SLC43A1: variants seen among roughly 807,000 people sequenced by gnomAD.
SLC43A1 encodes large neutral amino acids transporter small subunit 3.
A neutral mutation model predicts 59.5 loss-of-function variants in SLC43A1; 31 were observed. That is an observed-to-expected ratio of 0.52 (90% CI 0.39 to 0.70). The LOEUF is 0.70. Ranked by LOEUF, SLC43A1 falls within the 30% of genes least tolerant of loss-of-function variation. The pLI is 0.00. For missense variants in SLC43A1, 598 were observed against 717.8 expected (o/e 0.83, Z 1.91); for synonymous variants, 259 against 290.9 (o/e 0.89, Z 1.12).
intron 2 of SLC43A1, among the ~76,000 whole-genome samples, chr11:57,505,714 C>G (rs959365181): frequency 6.6e-6 from 1 of 151,830 alleles, no homozygotes; most frequent in South Asian, 2.1e-4. Context: ...AAGTAAATAA[C>G]ACTAGCTATG....
Position 57,499,567 on chromosome 11 carries a change from G to A in SLC43A1, c.465+1212C>T, listed in dbSNP as rs1213487818. ...GCGCCCAGTACCGTGGGTAAGGCGA[G>A]GCCGGCCGGCTAACCCCGGGCTGGC... On this transcript the variant is annotated intron_variant, in intron 5 of 14. Transcript: ENST00000278426. The A allele has an allele frequency of 2.0e-5, 3 of 152,382 alleles. No individual in the cohort carries two copies. In the East Asian group the frequency reaches 5.8e-4, roughly 30 times the overall value. 9.4% of individuals were successfully genotyped at this position (152,382 alleles called of 1,614,324 possible).
At chr11:57,509,864 A>G (rs1282278282) in intron 2 of SLC43A1, among the ~76,000 whole-genome samples, 3 of 152,238 alleles carry the variant, frequency 2.0e-5, no homozygotes, top group African/African-American at 7.2e-5. Flanking sequence ...TTCAATATTA[A>G]AAACTGTTGT....
At chr11:57,506,203 G>A (rs1944392163) in intron 2 of SLC43A1, among the ~76,000 whole-genome samples, 1 of 152,136 alleles carries the variant, frequency 6.6e-6, no homozygotes, top group Admixed American at 6.6e-5. Flanking sequence ...AACATTAGCT[G>A]AGCATAGTGG....
chr11:57,509,923 G>T (rs113896868), intron 2 of SLC43A1, among the ~76,000 whole-genome samples: 1 of 152,082 alleles, frequency 6.6e-6, no homozygotes, highest in Non-Finnish European at 1.5e-5. Context: ...ATAATGGAAG[G>T]AAAATTTTTA....
At position 57,513,737 on chromosome 11, in the gene SLC43A1, A is replaced by G. The variant is rs533998047; in HGVS notation, c.154+221T>C. Among the ~76,000 whole-genome samples, 5 of 152,332 alleles carry G rather than the reference A, an allele frequency of 3.3e-5. No individual in the cohort carries two copies. The East Asian group carries it at 9.6e-4, about 29-fold the overall frequency. On this transcript the variant is annotated intron_variant, in intron 2 of 14. Coordinates refer to ENST00000278426, the MANE Select transcript of SLC43A1 (RefSeq NM_003627.6). ...GCCTATTAGTCCCAGGGTCTGGATG[A>G]CCAGCAGGACACCTGGCATTCAGTG...
At position 57,500,862 on chromosome 11, in the gene SLC43A1, A is replaced by AT; in HGVS notation, c.389-8_389-7insA. On this transcript the variant is annotated splice_polypyrimidine_tract_variant and splice_region_variant and intron_variant, in intron 4 of 14. Coordinates refer to ENST00000278426, the MANE Select transcript of SLC43A1 (RefSeq NM_003627.6). Reference sequence around the variant, plus strand: ...AATATCAACGGAGACAGAGCTGGAAAGGGGAAAGCAGCAGATGAGGGCATT... The same window carrying AT: ...AATATCAACGGAGACAGAGCTGGAAATGGGGAAAGCAGCAGATGAGGGCATT... 1 of 1,614,116 alleles carries AT rather than the reference A, an allele frequency of 6.2e-7. No homozygotes were observed. Among genetic ancestry groups the AT allele is most frequent in the Non-Finnish European group, 8.5e-7 (1 of 1,179,968 alleles).
chr11:57,496,088 T>A lies in SLC43A1; in HGVS notation c.635A>T (p.Asn212Ile). The change falls in exon 7 of 15, where the codon AAC becomes ATC. Residue 212 changes from asparagine (N) to isoleucine (I), a missense_variant. Transcript: ENST00000278426. ...WSGLACLIFLNCTLNWPIEAF... is the reference protein window; with the variant it reads ...WSGLACLIFLICTLNWPIEAF... ...TTCGATGGGCCAGTTGAGGGTGCAG[T>A]TCAGAAAGATAAGGCAGGCCAGGCC... The A allele has an allele frequency of 6.2e-7, 1 of 1,614,052 alleles. No individual in the cohort carries two copies. The highest frequency in any genetic ancestry group is 8.5e-7 in the Non-Finnish European group (1 of 1,179,986).
chr11:57,491,999 A>G (rs1943920156), intron 8 of SLC43A1, 137 bp from the exon 9 acceptor site: 2 of 841,716 alleles, frequency 2.4e-6, no homozygotes, highest in South Asian at 3.5e-5. Context: ...AAAGACGGGA[A>G]AGTTCAGATT....
At chr11:57,489,720 T>C (rs1247431093) in intron 11 of SLC43A1, among the ~76,000 whole-genome samples, 1 of 152,200 alleles carries the variant, frequency 6.6e-6, no homozygotes, top group East Asian at 1.9e-4. Flanking sequence ...GTGATTCTCA[T>C]GCACACTTGA....
At chr11:57,502,349 C>T (rs768491744) in intron 2 of SLC43A1, among the ~76,000 whole-genome samples, 1 of 152,150 alleles carries the variant, frequency 6.6e-6, no homozygotes, top group African/African-American at 2.4e-5. Context: ...GTCTGTAAAC[C>T]GGACCAAAGA....
At chr11:57,492,541 T>TAATAATATA (rs1336998211) in intron 8 of SLC43A1, among the ~76,000 whole-genome samples, 126 of 7,134 alleles carry the variant, frequency 0.018, no homozygotes, top group Non-Finnish European at 0.037. Flanking sequence ...TTTGTGTATA[T>TAATAATATA]ATATATATAT....
At position 57,485,172 on chromosome 11, in the gene SLC43A1, G is replaced by C; in HGVS notation, c.1604C>G (p.Ala535Gly). ...LLPSYLFYYR[A>G]RLQQEYAANG... ...GGCGGCGTACTCCTGCTGGAGCCGGGCACGGTAATAGAAGAGGTAGGAAGG... is the reference window on the plus strand; with the variant it reads ...GGCGGCGTACTCCTGCTGGAGCCGGCCACGGTAATAGAAGAGGTAGGAAGG... The change falls in exon 15 of 15, where the codon GCC becomes GGC. Residue 535 changes from alanine (A) to glycine (G), a missense_variant. Coordinates refer to ENST00000278426, the MANE Select transcript of SLC43A1 (RefSeq NM_003627.6). The C allele has an allele frequency of 6.2e-7, 1 of 1,614,076 alleles. No individual in the cohort carries two copies. Among genetic ancestry groups the C allele is most frequent in the Non-Finnish European group, 8.5e-7 (1 of 1,180,006 alleles).
At chr11:57,491,987 T>C (rs1243053507) in intron 8 of SLC43A1, 125 bp from the exon 9 acceptor site, 37 of 929,584 alleles carry the variant, frequency 4.0e-5, no homozygotes, top group Non-Finnish European at 5.6e-5. Flanking sequence ...ACTGGTTTCT[T>C]CAAAGACGGG....
intron 2 of SLC43A1, among the ~76,000 whole-genome samples, chr11:57,513,008 G>A (rs1188860964): frequency 2.0e-5 from 3 of 152,162 alleles, no homozygotes; most frequent in South Asian, 4.1e-4. Context: ...CAGGAGCAAC[G>A]AGAAGGACAC....
chr11:57,513,923 T>TGCCCCCC, intron 2 of SLC43A1, 35 bp downstream of exon 2: 1 of 1,162,216 alleles, frequency 8.6e-7, no homozygotes. Context: ...TTGCCATCCC[T>TGCCCCCC]CCCCCCAGCC....
chr11:57,513,535 T>C (rs1228847642), intron 2 of SLC43A1, among the ~76,000 whole-genome samples: 1 of 152,176 alleles, frequency 6.6e-6, no homozygotes, highest in Non-Finnish European at 1.5e-5. Flanking sequence ...AAATGAGTAA[T>C]TTGAAAACCT....
intron 8 of SLC43A1, 126 bp downstream of exon 8, chr11:57,493,867 C>T (rs779890798): frequency 3.4e-5 from 30 of 876,292 alleles, no homozygotes; most frequent in Non-Finnish European, 4.8e-5. Context: ...GCATGCCCCA[C>T]CTACATCATG....
Position 57,514,253 on chromosome 11 carries a change from C to T in SLC43A1, c.-13-129G>A. On this transcript the variant is annotated intron_variant, in intron 1 of 14. Coordinates refer to ENST00000278426, the MANE Select transcript of SLC43A1 (RefSeq NM_003627.6). The surrounding 1 kb of genome is among the most constrained non-coding windows in gnomAD (Gnocchi z 5.5). ...CCCCTCATGGAGGCCCCATAGAGCC[C>T]TGGGCTTCCCAGCCGGTGCCAAGGA... The T allele has an allele frequency of 8.7e-7, 1 of 1,143,758 alleles. No homozygotes were observed. The highest frequency in any genetic ancestry group is 1.2e-6 in the Non-Finnish European group (1 of 834,870). The allele number at this position is 1,143,758 out of a possible 1,614,324, so 70.9% of individuals were successfully genotyped here.
At chr11:57,487,308 C>G in intron 13 of SLC43A1, 90 bp from the exon 14 acceptor site, 2 of 1,505,106 alleles carry the variant, frequency 1.3e-6, no homozygotes, top group Non-Finnish European at 1.8e-6. Context: ...ATGGTCCCCG[C>G]TGGCCAGGCA....
Sources: allele counts gnomAD v4.1 joint callset (sites outside exome capture counted in the v4.1 genomes callset), GRCh38; gene constraint gnomAD v4.1.1; non-coding constraint Gnocchi (gnomAD v3.1); transcripts MANE v1.5; gene names NCBI Gene and HGNC (gene_info 2026-07-23, HGNC 2026-07-21).